Variants in ZNF34 observed in about 807,000 individuals in gnomAD.
ZNF34 encodes the protein zinc finger protein 34 (KOX 32).
In ZNF34, 8 loss-of-function variants were observed where a neutral mutation model predicts 14.4. The observed-to-expected ratio is 0.55, with a 90% CI of 0.33 to 1.00. ZNF34 has a LOEUF of 1.00. ZNF34 is among the 50% of genes least tolerant of loss of function. The probability of loss-of-function intolerance (pLI) is 0.03; values close to 1 mark genes in which losing one functional copy is unlikely to be tolerated. For missense variants in ZNF34, 538 were observed against 674.2 expected, an observed-to-expected ratio of 0.80 and a Z score of 2.24; for synonymous variants, 235 against 247.9, an observed-to-expected ratio of 0.95 and a Z score of 0.49.
chr8:144,778,806 C>T (rs1041362302), intron 2 of ZNF34, among the ~76,000 whole-genome samples: 8 of 151,852 alleles, frequency 5.3e-5, no homozygotes, highest in Non-Finnish European at 1.0e-4. Flanking sequence ...GATCTCGGCT[C>T]ACTGCAGCCT....
At chr8:144,785,989 T>G (rs928529306) in intron 1 of ZNF34, among the ~76,000 whole-genome samples, 1 of 145,814 alleles carries the variant, frequency 6.9e-6, no homozygotes, top group African/African-American at 2.6e-5. Flanking sequence ...GTTTTTTTTT[T>G]TTTTTTTTTT....
rs147925227 is a variant in ZNF34, at chr8:144,777,797, C to G, written c.161-220G>C. ...ACTAGGAGGTATGCAACTCCGCCCC[C>G]CCGGTGTCCCCCGCCCTACCAGGGA... On this transcript the variant is annotated intron_variant, in intron 4 of 5. Coordinates refer to ENST00000429371, the MANE Select transcript of ZNF34 (RefSeq NM_001286769.2). This position sits in a 1 kb window ranked among gnomAD's most constrained non-coding sequence, Gnocchi z 4.8. Among the ~76,000 whole-genome samples the G allele has an allele frequency of 3.5e-4, 53 of 152,196 alleles. 1 individual carries two copies. The East Asian group carries it at 5.4e-3, about 16-fold the overall frequency.
chr8:144,776,260 C>T (rs555574020), intron 5 of ZNF34, among the ~76,000 whole-genome samples: 64 of 145,732 alleles, frequency 4.4e-4, no homozygotes, highest in Admixed American at 7.7e-4. Context: ...TGCAGTGAGC[C>T]GAGATCACAC....
chr8:144,778,479 G>T lies in ZNF34; in HGVS notation c.-8C>A. 1 of 1,593,342 alleles carries T rather than the reference G, an allele frequency of 6.3e-7. No homozygotes were observed. The highest frequency in any genetic ancestry group is 2.3e-5 in the East Asian group (1 of 44,180). ...CAGGAACAAGGCCGCCATTGCCTGA[G>T]GGTTGGGCTTTCTGAGGGCAGTGAG... On this transcript the variant is annotated 5_prime_UTR_variant, in exon 3 of 6. Transcript: ENST00000429371.
In ZNF34 at chr8:144,773,874, C is replaced by T. The variant is rs770265411; in HGVS notation, c.1012G>A (p.Gly338Arg). 10 of 1,614,114 alleles carry T rather than the reference C, an allele frequency of 6.2e-6. No individual in the cohort carries two copies. The highest frequency in any genetic ancestry group is 2.2e-5 in the East Asian group (1 of 44,882). Residue 338 changes from glycine to arginine, a missense_variant, in exon 6 of 6, where the codon GGA (glycine) becomes AGA (arginine). Coordinates refer to ENST00000429371, the MANE Select transcript of ZNF34 (RefSeq NM_001286769.2). The surrounding 1 kb of genome is among the most constrained non-coding windows in gnomAD (Gnocchi z 5.4). ...SLIYHQRIHT[G>R]EKPYKCNDCG... is the part of the protein sequence containing the mutation. Reference sequence around the variant, plus strand: ...TCATTACATTTATAGGGTTTCTCTCCGGTGTGGATTCTCTGGTGATAAATC... The same window carrying T: ...TCATTACATTTATAGGGTTTCTCTCTGGTGTGGATTCTCTGGTGATAAATC...
At chr8:144,786,610 G>A (rs575097750) in intron 1 of ZNF34, among the ~76,000 whole-genome samples, 1 of 151,822 alleles carries the variant, frequency 6.6e-6, no homozygotes, top group South Asian at 2.1e-4. Flanking sequence ...CTCCAGCCTG[G>A]GCGACAGAGC....
At chr8:144,786,563 G>A (rs1303530475) in intron 1 of ZNF34, among the ~76,000 whole-genome samples, 1 of 151,822 alleles carries the variant, frequency 6.6e-6, no homozygotes, top group Non-Finnish European at 1.5e-5. Context: ...GAACTCGGGA[G>A]GCGGAAGGTG....
At chr8:144,780,380 T>A in intron 1 of ZNF34, 100 bp from the exon 2 acceptor site, 1 of 880,592 alleles carries the variant, frequency 1.1e-6, no homozygotes, top group Non-Finnish European at 1.8e-6. Flanking sequence ...TCTGTATCTT[T>A]AAAGCTTTTT....
rs774898424 is a variant in ZNF34 at position 144,773,404 on chromosome 8, G to A, written c.1482C>T (p.Ser494=). The change falls in exon 6 of 6, where the codon AGC becomes AGT. Residue 494 remains serine (S), a synonymous_variant. Transcript: ENST00000429371. This position sits in a 1 kb window ranked among gnomAD's most constrained non-coding sequence, Gnocchi z 5.4. ...TCCTCCGGTGCTGAATCAAGTACGT[G>A]CTCTGGCTGAAGGCTTTCTTGCAAT... is the stretch of plus-strand genomic sequence containing the variant. ...CSDCKKAFSQ[S]TYLIQHRRIH... The A allele has an allele frequency of 2.5e-6, 4 of 1,613,798 alleles. No individual in the cohort carries two copies. In the South Asian group the frequency reaches 4.4e-5, roughly 18 times the overall value.
rs1369513210 is a variant in ZNF34, at chr8:144,774,033, G to C, written c.853C>G (p.Pro285Ala). ...NHRRMHSGEI[P>A]YRCDECGKTF... ...TTCCCACACTCGTCACACCGGTAGGGAATCTCTCCTGAGTGCATCCTTCGG... is the reference window on the plus strand; with the variant it reads ...TTCCCACACTCGTCACACCGGTAGGCAATCTCTCCTGAGTGCATCCTTCGG... Residue 285 changes from proline (P) to alanine (A), a missense_variant, in exon 6 of 6, where the codon CCC (proline) becomes GCC (alanine). By Grantham distance (27) the Pro-to-Ala change is conservative. Coordinates refer to ENST00000429371, the MANE Select transcript of ZNF34 (RefSeq NM_001286769.2). 4 of 1,613,874 alleles carry C rather than the reference G, an allele frequency of 2.5e-6. No individual in the cohort carries two copies. The highest frequency in any genetic ancestry group is 3.4e-6 in the Non-Finnish European group (4 of 1,179,986).
At position 144,783,949 on chromosome 8, in the gene ZNF34, G is replaced by C. The variant is rs550491668; in HGVS notation, c.-108+3330C>G. Among the ~76,000 whole-genome samples, 49 of 152,288 alleles carry C rather than the reference G, an allele frequency of 3.2e-4. 1 individual carries two copies. The South Asian group carries it at 3.5e-3, about 11-fold the overall frequency. On this transcript the variant is annotated intron_variant, in intron 1 of 5. Coordinates refer to ENST00000429371, the MANE Select transcript of ZNF34 (RefSeq NM_001286769.2). Reference sequence around the variant, plus strand: ...GGAGGCCAAGGCGGGAGGATCACGAGGTCAGATCGAGACCATCCTGGCTAA... The same window carrying C: ...GGAGGCCAAGGCGGGAGGATCACGACGTCAGATCGAGACCATCCTGGCTAA...
At chr8:144,783,369 C>G (rs1364779599) in intron 1 of ZNF34, among the ~76,000 whole-genome samples, 1 of 152,020 alleles carries the variant, frequency 6.6e-6, no homozygotes, top group Non-Finnish European at 1.5e-5. Flanking sequence ...AACATCCTAG[C>G]CAAAGCAGTA....
At chr8:144,786,044 G>C (rs987851463) in intron 1 of ZNF34, among the ~76,000 whole-genome samples, 5 of 149,602 alleles carry the variant, frequency 3.3e-5, no homozygotes, top group Non-Finnish European at 5.9e-5. Context: ...GAGAGCAGTG[G>C]CGGGATCTTG....
At position 144,777,959 on chromosome 8, in the gene ZNF34, T is replaced by C; in HGVS notation, c.160+79A>G. On this transcript the variant is annotated intron_variant, in intron 4 of 5. Coordinates refer to ENST00000429371, the MANE Select transcript of ZNF34 (RefSeq NM_001286769.2). This position sits in a 1 kb window ranked among gnomAD's most constrained non-coding sequence, Gnocchi z 4.8. ...TCATCACCTATCTGTGCCCAGGGGG[T>C]GAGGCCCCTAGCCCAGCCTCTGCTG... 6.4e-7 allele frequency: 1 copy of C among 1,572,296 alleles called. No homozygotes were observed. Among genetic ancestry groups the C allele is most frequent in the Non-Finnish European group, 8.6e-7 (1 of 1,156,834 alleles).
chr8:144,775,353 G>A (rs1825439938), intron 5 of ZNF34, among the ~76,000 whole-genome samples: 2 of 152,166 alleles, frequency 1.3e-5, no homozygotes, highest in African/African-American at 4.8e-5. Context: ...TGAAAATGCT[G>A]ACTCAGTGAC....
At chr8:144,778,187 A>T in intron 3 of ZNF34, 23 bp from the exon 4 acceptor site, 7 of 1,602,096 alleles carry the variant, frequency 4.4e-6, no homozygotes, top group Non-Finnish European at 6.0e-6. Flanking sequence ...GGACTACTGC[A>T]GCCCAGGTGT....
chr8:144,782,559 C>T (rs551693987), intron 1 of ZNF34, among the ~76,000 whole-genome samples: 7 of 150,752 alleles, frequency 4.6e-5, no homozygotes, highest in East Asian at 2.0e-4. Flanking sequence ...CAAGGAGGGC[C>T]GGGCACGGTG....
chr8:144,773,655 T>C lies in ZNF34; in HGVS notation c.1231A>G (p.Thr411Ala). ...NECEKAFIQK[T>A]KLVEHQRSHT... ...CTTCTCTGATGTTCCACGAGTTTGGTTTTTTGAATGAAAGCTTTCTCACAT... is the reference window on the plus strand; with the variant it reads ...CTTCTCTGATGTTCCACGAGTTTGGCTTTTTGAATGAAAGCTTTCTCACAT... The change falls in exon 6 of 6, where the codon ACC becomes GCC. Residue 411 changes from threonine (T) to alanine (A), a missense_variant. Transcript: ENST00000429371. The surrounding 1 kb of genome is among the most constrained non-coding windows in gnomAD (Gnocchi z 5.4). 1 of 1,614,060 alleles carries C rather than the reference T, an allele frequency of 6.2e-7. No homozygotes were observed. The highest frequency in any genetic ancestry group is 8.5e-7 in the Non-Finnish European group (1 of 1,179,964).
chr8:144,784,041 TC>T (rs1826069102), intron 1 of ZNF34, among the ~76,000 whole-genome samples: 1 of 151,856 alleles, frequency 6.6e-6, no homozygotes, highest in African/African-American at 2.4e-5. Flanking sequence ...GCGCCTGTAG[TC>T]CCAGCTACTC....
Sources: allele counts gnomAD v4.1 joint callset (sites outside exome capture counted in the v4.1 genomes callset), GRCh38; gene constraint gnomAD v4.1.1; non-coding constraint Gnocchi (gnomAD v3.1); transcripts MANE v1.5; gene names NCBI Gene and HGNC (gene_info 2026-07-23, HGNC 2026-07-21).